Variants in PRMT7 observed in about 807,000 individuals in gnomAD.
PRMT7 encodes the protein protein arginine N-methyltransferase 7.
PRMT7 carries 75 observed loss-of-function variants against 85.4 expected under a neutral mutation model. The ratio of observed to expected loss-of-function variants is 0.88; its 90% CI spans 0.73 to 1.06. PRMT7 has a LOEUF of 1.06. Ranked by LOEUF, PRMT7 falls within the 50% of genes least tolerant of loss-of-function variation. The pLI is 0.00. For missense variants in PRMT7, 868 were observed against 915.2 expected (o/e 0.95, Z 0.67); for synonymous variants, 397 against 359.5 (o/e 1.10, Z -1.18).
chr16:68,311,122 A>G (rs1373128722), intron 1 of PRMT7, 23 bp downstream of exon 1: 8 of 687,478 alleles, frequency 1.2e-5, no homozygotes, highest in African/African-American at 3.5e-5. Context: ...GTATGCTGGG[A>G]AGGTGGGGTC....
chr16:68,339,555 C>T lies in PRMT7; in HGVS notation c.738C>T (p.Pro246=), dbSNP rs973800684. Residue 246 remains proline (P), a synonymous_variant, in exon 8 of 19, where the codon CCC becomes CCT. Coordinates refer to ENST00000441236, the MANE Select transcript of PRMT7 (RefSeq NM_019023.5). ...ADFTVLSDVL[P]MFSIDFSKQV... The stretch of plus-strand genomic sequence containing the variant: ...TTACAGTCCTCAGCGATGTGCTGCC[C>T]ATGTTCAGGTACCAAGGAGCCACCA... The T allele has an allele frequency of 1.2e-6, 2 of 1,613,482 alleles. No homozygotes were observed. The highest frequency in any genetic ancestry group is 1.7e-6 in the Non-Finnish European group (2 of 1,179,834).
intron 6 of PRMT7, among the ~76,000 whole-genome samples, chr16:68,332,528 C>T (rs2084046044): frequency 6.6e-6 from 1 of 152,192 alleles, no homozygotes; most frequent in African/African-American, 2.4e-5. Flanking sequence ...GTTTCCCAGG[C>T]CTCTGAGAGC....
intron 17 of PRMT7, 152 bp from the exon 18 acceptor site, chr16:68,356,549 G>A (rs2088539745): frequency 3.1e-6 from 2 of 639,978 alleles, no homozygotes; most frequent in South Asian, 3.9e-5. Flanking sequence ...TTTTTCTGAG[G>A]AACGTTTATG....
chr16:68,324,595 A>G, intron 4 of PRMT7, 88 bp from the exon 5 acceptor site: 5 of 1,518,378 alleles, frequency 3.3e-6, no homozygotes, highest in African/African-American at 1.4e-5. Context: ...TTGCACTGCC[A>G]CTGCCAGCTG....
At chr16:68,347,104 G>A in intron 11 of PRMT7, 107 bp from the exon 12 acceptor site, 1 of 1,039,720 alleles carries the variant, frequency 9.6e-7, no homozygotes, top group East Asian at 2.7e-5. Context: ...GATGGTCTGA[G>A]GTCTGGGCAA....
intron 5 of PRMT7, among the ~76,000 whole-genome samples, chr16:68,327,001 A>G (rs2083200170): frequency 6.6e-6 from 1 of 152,184 alleles, no homozygotes; most frequent in Non-Finnish European, 1.5e-5. Context: ...ACCACATCTA[A>G]AAACATCAAG....
chr16:68,318,316 C>T (rs1271151278), intron 3 of PRMT7, among the ~76,000 whole-genome samples: 1 of 151,664 alleles, frequency 6.6e-6, no homozygotes, highest in Non-Finnish European at 1.5e-5. Context: ...TCTCCCGCCT[C>T]AGCCTCTTGA....
At chr16:68,311,281 G>A in intron 1 of PRMT7, 182 bp downstream of exon 1, 1 of 382,874 alleles carries the variant, frequency 2.6e-6, no homozygotes, top group Non-Finnish European at 4.9e-6. Flanking sequence ...GCTGGCCCCG[G>A]CTCTGCAGTG....
downstream of PRMT7, chr16:68,359,490 T>G (rs2151965724): frequency 6.5e-6 from 1 of 152,862 alleles, no homozygotes; most frequent in South Asian, 2.1e-4. Flanking sequence ...CCAGGCTCCC[T>G]GGGCTCTGCA....
chr16:68,339,298 G>A, intron 7 of PRMT7, 24 bp from the exon 8 acceptor site: 3 of 1,610,982 alleles, frequency 1.9e-6, no homozygotes, highest in Non-Finnish European at 2.5e-6. Context: ...TTTTTGTTTG[G>A]TTTTGTTTTT....
At chr16:68,345,300 A>C (rs1400789936) in intron 9 of PRMT7, among the ~76,000 whole-genome samples, 1 of 152,354 alleles carries the variant, frequency 6.6e-6, no homozygotes, top group South Asian at 2.1e-4. Flanking sequence ...GGTTCCCCTT[A>C]AACCACTAGG....
intron 7 of PRMT7, 71 bp from the exon 8 acceptor site, chr16:68,339,251 T>C (rs1043512623): frequency 1.3e-6 from 2 of 1,590,338 alleles, no homozygotes; most frequent in Non-Finnish European, 1.7e-6. Flanking sequence ...TAAACCTCTT[T>C]TGATCAATGG....
intron 9 of PRMT7, among the ~76,000 whole-genome samples, chr16:68,344,196 T>G (rs1328402368): frequency 1.3e-5 from 2 of 152,202 alleles, no homozygotes; most frequent in Admixed American, 6.5e-5. Flanking sequence ...CCCGTACACC[T>G]GGCCTCAAAC....
chr16:68,321,884 C>T (rs865882999), intron 4 of PRMT7, among the ~76,000 whole-genome samples: 23 of 152,116 alleles, frequency 1.5e-4, no homozygotes, highest in Non-Finnish European at 1.5e-4. Flanking sequence ...CTTATTCATC[C>T]TATCTGACTG....
chr16:68,355,388 C>T (rs557140562), intron 16 of PRMT7: 10 of 211,412 alleles, frequency 4.7e-5, no homozygotes, highest in African/African-American at 1.6e-4. Context: ...GCCCACCTGT[C>T]GGGGCCACAC....
intron 6 of PRMT7, among the ~76,000 whole-genome samples, chr16:68,330,924 G>A (rs1054342517): frequency 6.6e-6 from 1 of 152,126 alleles, no homozygotes; most frequent in Non-Finnish European, 1.5e-5. Context: ...ATATACAATA[G>A]AGTGCTCAAA....
chr16:68,355,795 T>C lies in PRMT7; in HGVS notation c.1723T>C (p.Ser575Pro). The C allele has an allele frequency of 6.2e-7, 1 of 1,611,736 alleles. No individual in the cohort carries two copies. Among genetic ancestry groups the C allele is most frequent in the South Asian group, 1.1e-5 (1 of 90,862 alleles). The change falls in exon 17 of 19, where the codon TCC becomes CCC. Residue 575 changes from serine to proline, a missense_variant. Ser to Pro is a moderately conservative substitution (Grantham distance 74). Transcript: ENST00000441236. ...GTGGGAGTACCCATGCCGCAGCCTC[T>C]CCGAGCCCTGGCAGATCCTGACCTT... Reference protein sequence around the residue: ...PLWEYPCRSLSEPWQILTFDF... With the variant: ...PLWEYPCRSLPEPWQILTFDF...
chr16:68,316,098 C>G, intron 3 of PRMT7, 24 bp downstream of exon 3: 6 of 1,602,276 alleles, frequency 3.7e-6, no homozygotes, highest in Non-Finnish European at 5.1e-6. Context: ...TTACAGCAGG[C>G]TGCAGCTGGG....
chr16:68,355,630 T>C, intron 16 of PRMT7, 93 bp from the exon 17 acceptor site: 1 of 1,320,804 alleles, frequency 7.6e-7, no homozygotes, highest in South Asian at 1.7e-5. Context: ...ACACCCCTTG[T>C]GACTGCAGTC....
Sources: allele counts gnomAD v4.1 joint callset (sites outside exome capture counted in the v4.1 genomes callset), GRCh38; gene constraint gnomAD v4.1.1; transcripts MANE v1.5; gene names NCBI Gene and HGNC (gene_info 2026-07-23, HGNC 2026-07-21).